Variants in INPP4B observed in about 807,000 individuals in gnomAD.
INPP4B encodes the protein inositol polyphosphate-4-phosphatase type II B.
Under a neutral mutation model 122.5 loss-of-function variants are expected in INPP4B, and 55 were observed. The observed-to-expected ratio is 0.45, with a 90% CI of 0.36 to 0.56. The LOEUF (loss-of-function observed/expected upper bound fraction) is 0.56, where lower values mean the gene tolerates loss of function less well. Among genes scored for constraint, INPP4B ranks in the 20% least tolerant of loss-of-function variants. The pLI is 0.00. For missense variants in INPP4B, 1,000 were observed against 1,097.7 expected (o/e 0.91, Z 1.26); for synonymous variants, 403 against 388.7 (o/e 1.04, Z -0.43).
intron 25 of INPP4B, among the ~76,000 whole-genome samples, chr4:142,042,585 C>T (rs13117752): frequency 0.72 from 108,286 of 151,318 alleles, 41,468 homozygotes; most frequent in South Asian, 0.85. Context: ...TATTTTTAGA[C>T]AGAGTCTCAC....
At chr4:142,238,050 C>G in intron 11 of INPP4B, 39 bp from the exon 12 acceptor site, 1 of 1,054,726 alleles carries the variant, frequency 9.5e-7, no homozygotes, top group Non-Finnish European at 1.4e-6. Context: ...AAATTCTAAG[C>G]AAATGCATGT....
chr4:142,420,702 T>C (rs1580007173), intron 5 of INPP4B, among the ~76,000 whole-genome samples: 5 of 152,084 alleles, frequency 3.3e-5, no homozygotes, highest in African/African-American at 7.2e-5. Flanking sequence ...ATTCTAGATA[T>C]AGGCCTTCAC....
chr4:142,653,774 A>G (rs1394481918), intron 2 of INPP4B, among the ~76,000 whole-genome samples: 4 of 152,190 alleles, frequency 2.6e-5, no homozygotes, highest in African/African-American at 9.7e-5. Flanking sequence ...TATTGGTGGG[A>G]GTGTAAATTA....
At chr4:142,052,274 A>G (rs1313743723) in intron 25 of INPP4B, among the ~76,000 whole-genome samples, 2 of 152,086 alleles carry the variant, frequency 1.3e-5, no homozygotes, top group Non-Finnish European at 2.9e-5. Context: ...GATGTAGAAT[A>G]AATTAACATG....
intron 1 of INPP4B, among the ~76,000 whole-genome samples, chr4:142,836,424 G>A (rs1782781166): frequency 6.6e-6 from 1 of 152,054 alleles, no homozygotes; most frequent in Non-Finnish European, 1.5e-5. Context: ...GTGAGTGTGT[G>A]TGTGCGCGCG....
intron 2 of INPP4B, among the ~76,000 whole-genome samples, chr4:142,698,772 G>A (rs1761340364): frequency 6.6e-6 from 1 of 152,168 alleles, no homozygotes. Flanking sequence ...CCCAGGGCTG[G>A]CCATGCTCTT....
chr4:142,702,462 C>T (rs1159137387), intron 2 of INPP4B, among the ~76,000 whole-genome samples: 7 of 152,204 alleles, frequency 4.6e-5, no homozygotes, highest in South Asian at 2.1e-4. Context: ...CGGTGGCTCA[C>T]GCCTGTACTC....
intron 2 of INPP4B, among the ~76,000 whole-genome samples, chr4:142,585,034 C>G (rs77575836): frequency 0.031 from 4,701 of 152,214 alleles, 230 homozygotes; most frequent in African/African-American, 0.1. Flanking sequence ...TCCTGGACCC[C>G]TTTGACACAC....
intron 1 of INPP4B, among the ~76,000 whole-genome samples, chr4:142,798,147 T>C (rs1258856276): frequency 6.6e-6 from 1 of 151,898 alleles, no homozygotes; most frequent in Non-Finnish European, 1.5e-5. Flanking sequence ...CACCTATTTC[T>C]TTACTGTTAC....
At chr4:142,250,393 T>C (rs571201971) in intron 11 of INPP4B, among the ~76,000 whole-genome samples, 1 of 152,348 alleles carries the variant, frequency 6.6e-6, no homozygotes, top group South Asian at 2.1e-4. Flanking sequence ...AAGTACTTCA[T>C]AACTCACTGG....
At chr4:142,514,007 G>T (rs1428202641) in intron 2 of INPP4B, among the ~76,000 whole-genome samples, 1 of 152,148 alleles carries the variant, frequency 6.6e-6, no homozygotes, top group Non-Finnish European at 1.5e-5. Context: ...CTTGAGAGGG[G>T]CTGGCTAGAG....
At chr4:142,081,986 C>A (rs2152527827) in intron 25 of INPP4B, 45 bp downstream of exon 25, 13 of 1,285,866 alleles carry the variant, frequency 1.0e-5, no homozygotes, top group East Asian at 5.1e-5. Flanking sequence ...AAAAACAACT[C>A]AAAATGACCT....
At chr4:142,079,766 A>T (rs1422369344) in intron 25 of INPP4B, among the ~76,000 whole-genome samples, 1 of 151,988 alleles carries the variant, frequency 6.6e-6, no homozygotes, top group Non-Finnish European at 1.5e-5. Flanking sequence ...CTATTTAAAG[A>T]GCTGATTTAC....
At chr4:142,330,514 C>G (rs1276605129) in intron 7 of INPP4B, among the ~76,000 whole-genome samples, 15 of 152,166 alleles carry the variant, frequency 9.9e-5, no homozygotes, top group Non-Finnish European at 2.1e-4. Flanking sequence ...GGGATGCATA[C>G]ACACACGCAT....
chr4:142,064,766 TTA>T (rs1466135663), intron 25 of INPP4B, among the ~76,000 whole-genome samples: 1 of 152,186 alleles, frequency 6.6e-6, no homozygotes, highest in Non-Finnish European at 1.5e-5. Context: ...TTCTGTGAAT[TTA>T]TGTTATAAAA....
chr4:142,083,286 C>A (rs1013465025), intron 24 of INPP4B, among the ~76,000 whole-genome samples: 1 of 152,102 alleles, frequency 6.6e-6, no homozygotes, highest in Non-Finnish European at 1.5e-5. Context: ...GTTCAAGAAT[C>A]AAGTCTCTTA....
At chr4:142,432,931 T>C (rs1809648532) in intron 3 of INPP4B, among the ~76,000 whole-genome samples, 1 of 152,120 alleles carries the variant, frequency 6.6e-6, no homozygotes, top group Non-Finnish European at 1.5e-5. Flanking sequence ...ACTTGTATAA[T>C]TTGAGGATGG....
chr4:142,298,911 CAGA>C (rs987559418), intron 9 of INPP4B, among the ~76,000 whole-genome samples: 1 of 151,934 alleles, frequency 6.6e-6, no homozygotes, highest in African/African-American at 2.4e-5. Flanking sequence ...TTGAGGCGAA[CAGA>C]AGATTATGAT....
At chr4:142,316,144 G>A (rs967941994) in intron 7 of INPP4B, among the ~76,000 whole-genome samples, 2 of 152,066 alleles carry the variant, frequency 1.3e-5, no homozygotes, top group African/African-American at 2.4e-5. Flanking sequence ...TGCACAATTT[G>A]TCAGTCATTA....
Sources: allele counts gnomAD v4.1 joint callset (sites outside exome capture counted in the v4.1 genomes callset), GRCh38; gene constraint gnomAD v4.1.1; transcripts MANE v1.5; gene names NCBI Gene and HGNC (gene_info 2026-07-23, HGNC 2026-07-21).